The following USP7 variants were observed in gnomAD, a reference collection of about 807,000 sequenced individuals.
USP7 encodes ubiquitin specific peptidase 7, also known as ubiquitin C-terminal hydrolase 7.
In USP7, 9 loss-of-function variants were observed where a neutral mutation model predicts 162.9. That is an observed-to-expected ratio of 0.06 (90% CI 0.03 to 0.10). USP7 has a LOEUF of 0.10. Ranked by LOEUF, USP7 falls within the 10% of genes least tolerant of loss-of-function variation. The pLI, the probability that USP7 is intolerant of heterozygous loss-of-function variation, is 1.00. For missense variants in USP7, 715 were observed against 1,373.7 expected (o/e 0.52, Z 7.58); for synonymous variants, 562 against 475.9 (o/e 1.18, Z -2.35).
Position 8,902,517 on chromosome 16 carries a change from A to G in USP7, c.1840-35T>C. Reference sequence around the variant, plus strand: ...ATATTAAGAGTAGATTAAAATAAAAACACGCTCATATTTTAGTCCTCTATA... The same window carrying G: ...ATATTAAGAGTAGATTAAAATAAAAGCACGCTCATATTTTAGTCCTCTATA... On this transcript the variant is annotated intron_variant, in intron 16 of 30. Coordinates refer to ENST00000344836, the MANE Select transcript of USP7 (RefSeq NM_003470.3). The G allele has an allele frequency of 5.1e-6, 8 of 1,582,608 alleles. No homozygotes were observed. The South Asian group carries it at 9.0e-5, about 18-fold the overall frequency.
chr16:8,894,862 T>G lies in USP7; in HGVS notation c.3040-7A>C. The G allele has an allele frequency of 6.2e-7, 1 of 1,614,170 alleles. No individual in the cohort carries two copies. The highest frequency in any genetic ancestry group is 8.5e-7 in the Non-Finnish European group (1 of 1,180,036). On this transcript the variant is annotated splice_polypyrimidine_tract_variant and splice_region_variant and intron_variant, in intron 28 of 30. Coordinates refer to ENST00000344836, the MANE Select transcript of USP7 (RefSeq NM_003470.3). ...CTTCTCGAAAATGCTCGCCCTAGAA[T>G]GGCAAAGGACATGTGCTCACACAGT...
chr16:8,962,903 A>T, intron 1 of USP7: 1 of 164,122 alleles, frequency 6.1e-6, no homozygotes. Context: ...GGGTGAGAAA[A>T]CACCTCCGTC....
rs1178806928 is a variant in USP7, at chr16:8,903,354, C to T, written c.1753G>A (p.Asp585Asn). 6.2e-7 allele frequency: 1 copy of T among 1,614,092 alleles called. No individual in the cohort carries two copies. Among genetic ancestry groups the T allele is most frequent in the Non-Finnish European group, 8.5e-7 (1 of 1,179,994 alleles). ...ACAGTGTATTTCACTTTTTCTTCAT[C>T]GTACATGTCATTCCCTTGGTGGCCA... ...FCGHQGNDMY[D>N]EEKVKYTVFK... The change falls in exon 16 of 31, where the codon GAT becomes AAT. Residue 585 changes from aspartate (D) to asparagine (N), a missense_variant. Around this residue, in one of 11 missense-constraint regions of USP7, gnomAD observed 197 missense variants for 306.5 expected, o/e 0.64. Coordinates refer to ENST00000344836, the MANE Select transcript of USP7 (RefSeq NM_003470.3).
intron 2 of USP7, among the ~76,000 whole-genome samples, chr16:8,925,844 A>G (rs1897956671): frequency 6.6e-6 from 1 of 152,252 alleles, no homozygotes; most frequent in Admixed American, 6.5e-5. Flanking sequence ...AACTCTTCAT[A>G]CTAGCAGAAT....
intron 2 of USP7, among the ~76,000 whole-genome samples, chr16:8,923,841 A>G (rs112214295): frequency 1.1e-3 from 163 of 152,302 alleles, no homozygotes; most frequent in South Asian, 2.3e-3. Flanking sequence ...CAGAGCACGG[A>G]ACACACAGGC....
chr16:8,963,243 G>T lies in USP7; in HGVS notation c.43C>A (p.Gln15Lys). The T allele has an allele frequency of 7.2e-7, 1 of 1,392,062 alleles. No individual in the cohort carries two copies. Among genetic ancestry groups the T allele is most frequent in the Non-Finnish European group, 9.4e-7 (1 of 1,061,848 alleles). The allele number at this position is 1,392,062 out of a possible 1,614,324, so 86.2% of individuals were successfully genotyped here. ...QQQQQQKAGEQQLSEPEDMEM... is the reference protein window; with the variant it reads ...QQQQQQKAGEKQLSEPEDMEM... ...ATGTCCTCGGGCTCGCTCAACTGCT[G>T]CTCGCCCGCTTTCTGCTGCTGCTGC... Residue 15 changes from glutamine to lysine, a missense_variant, in exon 1 of 31, where the codon CAG becomes AAG. Transcript: ENST00000344836.
intron 1 of USP7, among the ~76,000 whole-genome samples, chr16:8,943,928 T>C (rs1899164180): frequency 6.6e-6 from 1 of 152,222 alleles, no homozygotes; most frequent in East Asian, 1.9e-4. Context: ...CTCTATTAAA[T>C]TTATTGTATT....
intron 13 of USP7, among the ~76,000 whole-genome samples, chr16:8,906,036 C>T (rs1292422902): frequency 6.6e-6 from 1 of 152,208 alleles, no homozygotes; most frequent in East Asian, 1.9e-4. Context: ...GTGGTGAAGA[C>T]TGCATGAGAT....
chr16:8,916,072 C>T lies in USP7; in HGVS notation c.906+430G>A, dbSNP rs78861615. Among the ~76,000 whole-genome samples the T allele has an allele frequency of 3.8e-3, 584 of 152,250 alleles. 9 individuals are homozygous for T. In the East Asian group the frequency reaches 0.043, roughly 11 times the overall value. On this transcript the variant is annotated intron_variant, in intron 8 of 30. Transcript: ENST00000344836. ...GATTTGCTAGTGATTAGTGATGGCG[C>T]GGGGAGAGTAATCACCGCATGCTGA...
Position 8,906,443 on chromosome 16 carries a change from G to C in USP7, c.1411C>G (p.Pro471Ala). 6.2e-7 allele frequency: 1 copy of C among 1,611,974 alleles called. No individual in the cohort carries two copies. Among genetic ancestry groups the C allele is most frequent in the Middle Eastern group, 2.2e-4 (1 of 4,476 alleles). ...CCACTTACTTTGCCATCCCCTTTGG[G>C]GTTTAGATAAACCACATAATGTCCA... is the stretch of plus-strand genomic sequence containing the variant. Reference protein sequence around the residue: ...HGGHYVVYLNPKGDGKWCKFD... With the variant: ...HGGHYVVYLNAKGDGKWCKFD... Residue 471 changes from proline (P) to alanine (A), a missense_variant, in exon 13 of 31, where the codon CCC becomes GCC. Transcript: ENST00000344836.
rs772475725 is a variant in USP7 at position 8,894,538 on chromosome 16, G to T, written c.3202+12C>A. ...AACCCACACCAGCCCCCGGGGGGGG[G>T]AGAACCCTTACCGGGCTGTGGCTCA... On this transcript the variant is annotated intron_variant, in intron 30 of 30. Transcript: ENST00000344836. 6.2e-7 allele frequency: 1 copy of T among 1,607,344 alleles called. No homozygotes were observed. Among genetic ancestry groups the T allele is most frequent in the South Asian group, 1.1e-5 (1 of 90,742 alleles).
chr16:8,934,486 C>T (rs1363691464), intron 1 of USP7, among the ~76,000 whole-genome samples: 1 of 152,234 alleles, frequency 6.6e-6, no homozygotes, highest in Non-Finnish European at 1.5e-5. Flanking sequence ...AATGCGTAAG[C>T]TCTACCCCCC....
intron 1 of USP7, among the ~76,000 whole-genome samples, chr16:8,955,128 C>T (rs1281961480): frequency 2.6e-5 from 4 of 152,176 alleles, no homozygotes; most frequent in Non-Finnish European, 5.9e-5. Context: ...TTTCTTCCCA[C>T]GTATGCTTGT....
intron 1 of USP7, among the ~76,000 whole-genome samples, chr16:8,945,778 G>T (rs1376042183): frequency 6.6e-6 from 1 of 152,022 alleles, no homozygotes; most frequent in African/African-American, 2.4e-5. Context: ...CACTGGGTGT[G>T]GTGGCTCATA....
intron 26 of USP7, among the ~76,000 whole-genome samples, chr16:8,896,138 T>TTTA (rs1491503588): frequency 3.5e-5 from 2 of 57,530 alleles, no homozygotes; most frequent in Non-Finnish European, 8.5e-5. Context: ...CATGCCCAGC[T>TTTA]TTTTTTTTTT....
chr16:8,950,821 T>G (rs1366793739), intron 1 of USP7, among the ~76,000 whole-genome samples: 1 of 152,252 alleles, frequency 6.6e-6, no homozygotes, highest in Admixed American at 6.5e-5. Context: ...GACAGTGATC[T>G]GAGCGGGCAC....
At chr16:8,899,549 G>A in intron 22 of USP7, 55 bp downstream of exon 22, 1 of 1,594,780 alleles carries the variant, frequency 6.3e-7, no homozygotes, top group East Asian at 2.2e-5. Context: ...TTTTAAGAAA[G>A]AAATTTGTCT....
At chr16:8,916,096 G>A (rs1463034837) in intron 8 of USP7, among the ~76,000 whole-genome samples, 1 of 152,200 alleles carries the variant, frequency 6.6e-6, no homozygotes, top group Admixed American at 6.5e-5. Flanking sequence ...ACCGCATGCT[G>A]AGGTCTGCTC....
chr16:8,904,037 T>C (rs553182651), intron 15 of USP7, among the ~76,000 whole-genome samples: 1 of 152,282 alleles, frequency 6.6e-6, no homozygotes, highest in African/African-American at 2.4e-5. Context: ...ACTTAATCAC[T>C]TCTCTGTCTG....
Sources: allele counts gnomAD v4.1 joint callset (sites outside exome capture counted in the v4.1 genomes callset), GRCh38; gene constraint gnomAD v4.1.1; regional missense constraint gnomAD v4.1.1; transcripts MANE v1.5; gene names NCBI Gene and HGNC (gene_info 2026-07-23, HGNC 2026-07-21).